LINGO2: variants seen among roughly 807,000 people sequenced by gnomAD.
LINGO2 encodes the protein leucine rich repeat and Ig domain containing 2.
Under a neutral mutation model 30.6 loss-of-function variants are expected in LINGO2, and 14 were observed. The observed-to-expected ratio is 0.46, with a 90% CI of 0.30 to 0.72. LINGO2 has a LOEUF of 0.72. LINGO2 is among the 30% of genes least tolerant of loss of function. The probability of loss-of-function intolerance (pLI) is 0.07; values close to 1 mark genes in which losing one functional copy is unlikely to be tolerated. For synonymous variants in LINGO2, 317 were observed against 288.5 expected, an observed-to-expected ratio of 1.10 and a Z score of -1.00; for missense variants, 729 against 751.7, an observed-to-expected ratio of 0.97 and a Z score of 0.35.
In LINGO2 at chr9:28,325,130, CT is replaced by C. The variant is rs377427962; in HGVS notation, c.-245-29765del. On this transcript the variant is annotated intron_variant, in intron 3 of 5. Coordinates refer to ENST00000379992, the Ensembl canonical transcript of LINGO2. ...CATCTCTGTCACTGACTAAGATGGC[CT>C]GTTTCTCTCAGCTTGACTAAACTTT... Among the ~76,000 whole-genome samples, 31 of 151,824 alleles carry C rather than the reference CT, an allele frequency of 2.0e-4. No individual in the cohort carries two copies. The East Asian group carries it at 2.7e-3, about 13-fold the overall frequency.
chr9:28,341,929 C>T (rs1444976212), intron 3 of LINGO2, among the ~76,000 whole-genome samples: 1 of 152,046 alleles, frequency 6.6e-6, no homozygotes, highest in Non-Finnish European at 1.5e-5. Flanking sequence ...ACACATTTAC[C>T]ACCTTCTTTT....
At chr9:28,098,543 G>A (rs1290481878) in intron 4 of LINGO2, among the ~76,000 whole-genome samples, 2 of 152,054 alleles carry the variant, frequency 1.3e-5, no homozygotes, top group Non-Finnish European at 2.9e-5. Flanking sequence ...CTGATGTAGG[G>A]TAGTTACATC....
chr9:28,018,868 T>TA (rs758376740), intron 4 of LINGO2, among the ~76,000 whole-genome samples: 2 of 152,158 alleles, frequency 1.3e-5, no homozygotes, highest in Non-Finnish European at 2.9e-5. Context: ...CAAATTACTA[T>TA]ATACAGATAC....
the LINGO2 span, among the ~76,000 whole-genome samples, chr9:29,119,752 C>T: frequency 6.6e-6 from 1 of 151,692 alleles, no homozygotes; most frequent in African/African-American, 2.4e-5. Flanking sequence ...AATTACACCA[C>T]CACACCCGGC....
intron 1 of LINGO2, among the ~76,000 whole-genome samples, chr9:28,554,135 T>A (rs889002156): frequency 6.6e-6 from 1 of 151,322 alleles, no homozygotes; most frequent in Non-Finnish European, 1.5e-5. Flanking sequence ...CAGGATCAAA[T>A]TCACACATAA....
chr9:28,542,217 G>C (rs1821730799), intron 1 of LINGO2, among the ~76,000 whole-genome samples: 1 of 152,026 alleles, frequency 6.6e-6, no homozygotes. Context: ...CACTTATCAG[G>C]TGCTGGATGG....
chr9:28,767,359 C>T, the LINGO2 span, among the ~76,000 whole-genome samples: 1 of 152,108 alleles, frequency 6.6e-6, no homozygotes. Context: ...TAAAAATATA[C>T]AATTAAAAAC....
intron 4 of LINGO2, among the ~76,000 whole-genome samples, chr9:28,222,549 T>A (rs1821003761): frequency 1.3e-5 from 2 of 152,148 alleles, no homozygotes; most frequent in Non-Finnish European, 2.9e-5. Context: ...AAGTCAGCAT[T>A]ACCTTAGGTT....
intron 4 of LINGO2, among the ~76,000 whole-genome samples, chr9:28,256,129 C>T (rs1223659821): frequency 6.6e-6 from 1 of 151,978 alleles, no homozygotes; most frequent in Non-Finnish European, 1.5e-5. Flanking sequence ...AGAGTTGTGA[C>T]CACACTCCAG....
At chr9:28,034,396 C>T (rs1293458264) in intron 4 of LINGO2, among the ~76,000 whole-genome samples, 1 of 152,122 alleles carries the variant, frequency 6.6e-6, no homozygotes, top group Non-Finnish European at 1.5e-5. Flanking sequence ...TGCTAGGGAG[C>T]ATTTTCTGAC....
the LINGO2 span, among the ~76,000 whole-genome samples, chr9:29,137,925 T>A: frequency 1.4e-4 from 21 of 152,210 alleles, no homozygotes; most frequent in African/African-American, 4.3e-4. Flanking sequence ...ATAGGACTGT[T>A]ATGAAGATAA....
intron 5 of LINGO2, among the ~76,000 whole-genome samples, chr9:27,998,322 C>T (rs1821772555): frequency 6.6e-6 from 1 of 152,294 alleles, no homozygotes; most frequent in South Asian, 2.1e-4. Flanking sequence ...GCCAACTGCT[C>T]AAAGACCATT....
chr9:29,049,527 A>G, the LINGO2 span, among the ~76,000 whole-genome samples: 1 of 152,206 alleles, frequency 6.6e-6, no homozygotes, highest in African/African-American at 2.4e-5. Context: ...ACTGTTTACA[A>G]CTAAGATTTG....
chr9:28,447,053 C>G (rs1273658818), intron 2 of LINGO2, among the ~76,000 whole-genome samples: 2 of 152,160 alleles, frequency 1.3e-5, no homozygotes, highest in African/African-American at 4.8e-5. Context: ...CTTTGGCTGT[C>G]TAACTCTTAT....
the LINGO2 span, among the ~76,000 whole-genome samples, chr9:28,850,607 C>A: frequency 9.2e-5 from 14 of 152,124 alleles, no homozygotes; most frequent in East Asian, 7.7e-4. Flanking sequence ...TAACCAGCCA[C>A]CTCAGCCAGT....
At chr9:28,131,015 C>G (rs1297928587) in intron 4 of LINGO2, among the ~76,000 whole-genome samples, 1 of 152,004 alleles carries the variant, frequency 6.6e-6, no homozygotes, top group African/African-American at 2.4e-5. Context: ...ATGTTTCTTC[C>G]TTAACTTCTA....
the LINGO2 span, among the ~76,000 whole-genome samples, chr9:28,798,554 G>A: frequency 2.0e-5 from 3 of 152,054 alleles, no homozygotes; most frequent in South Asian, 4.1e-4. Context: ...GAAAAAGGAC[G>A]TACTGATGGT....
rs1430134804 is a variant in LINGO2, at chr9:28,329,259, G to A, written c.-245-33893C>T. The stretch of plus-strand genomic sequence containing the variant: ...GCCTCTGTCCAAAAGTGGGAAGAAT[G>A]GTTCTCTCCATTTCTAGTCATAATT... On this transcript the variant is annotated intron_variant, in intron 3 of 5. Transcript: ENST00000379992. This position sits in a 1 kb window ranked among gnomAD's most constrained non-coding sequence, Gnocchi z 4.5. Among the ~76,000 whole-genome samples, 1 of 152,076 alleles carries A rather than the reference G, an allele frequency of 6.6e-6. No individual in the cohort carries two copies. The highest frequency in any genetic ancestry group is 1.5e-5 in the Non-Finnish European group (1 of 68,020).
chr9:28,637,098 T>C (rs1588001810), intron 1 of LINGO2, among the ~76,000 whole-genome samples: 1 of 152,314 alleles, frequency 6.6e-6, no homozygotes, highest in East Asian at 1.9e-4. Flanking sequence ...CCATTTCTTG[T>C]TTTTGTCAGG....
Sources: allele counts gnomAD v4.1 joint callset (sites outside exome capture counted in the v4.1 genomes callset), GRCh38; gene constraint gnomAD v4.1.1; non-coding constraint Gnocchi (gnomAD v3.1); transcripts MANE v1.5; gene names NCBI Gene and HGNC (gene_info 2026-07-23, HGNC 2026-07-21).